The following SLC4A4 variants were observed in gnomAD, a reference collection of about 807,000 sequenced individuals.
SLC4A4 encodes the protein solute carrier family 4 member 4.
Under a neutral mutation model 111.5 loss-of-function variants are expected in SLC4A4, and 27 were observed. The ratio of observed to expected loss-of-function variants is 0.24; its 90% CI spans 0.18 to 0.33. The LOEUF (loss-of-function observed/expected upper bound fraction) is 0.33. Among genes scored for constraint, SLC4A4 ranks in the 10% least tolerant of loss-of-function variants. The pLI is 1.00. For synonymous variants in SLC4A4, 443 were observed against 463.4 expected (o/e 0.96, Z 0.57); for missense variants, 909 against 1,315.5 (o/e 0.69, Z 4.78).
chr4:71,398,505 G>A lies in SLC4A4; in HGVS notation c.807+852G>A, dbSNP rs116875657. ...AACTGGGCCATTTTTGCCCAGCTAC[G>A]TAAATATCTCTGCAAGAAAATTATA... On this transcript the variant is annotated intron_variant, in intron 7 of 25. Coordinates refer to ENST00000264485, the MANE Select transcript of SLC4A4 (RefSeq NM_001098484.3). Among the ~76,000 whole-genome samples the A allele has an allele frequency of 2.0e-4, 30 of 152,146 alleles. 1 individual carries two copies. Among genetic ancestry groups the A allele is most frequent in the Middle Eastern group, 3.4e-3 (1 of 294 alleles).
intron 7 of SLC4A4, among the ~76,000 whole-genome samples, chr4:71,421,837 G>A (rs1722544458): frequency 6.6e-6 from 1 of 152,050 alleles, no homozygotes; most frequent in Admixed American, 6.6e-5. Flanking sequence ...ATTCAAAGCA[G>A]TGTGTAGAGG....
intron 4 of SLC4A4, among the ~76,000 whole-genome samples, chr4:71,341,275 A>G (rs1259764537): frequency 1.3e-5 from 2 of 152,190 alleles, no homozygotes; most frequent in Non-Finnish European, 2.9e-5. Flanking sequence ...TAAGTTTAAT[A>G]TAATACCTTA....
chr4:71,377,924 C>T (rs1034466570), intron 6 of SLC4A4, among the ~76,000 whole-genome samples: 4 of 152,212 alleles, frequency 2.6e-5, no homozygotes, highest in East Asian at 1.9e-4. Flanking sequence ...TGGCTGGGAA[C>T]GCCTCAGAAT....
chr4:71,233,941 G>T (rs1472686227), intron 1 of SLC4A4, among the ~76,000 whole-genome samples: 1 of 152,134 alleles, frequency 6.6e-6, no homozygotes, highest in Non-Finnish European at 1.5e-5. Flanking sequence ...CCCTGGTTTT[G>T]TGGCCCAATC....
At chr4:71,336,939 T>C (rs901504947) in intron 3 of SLC4A4, among the ~76,000 whole-genome samples, 1 of 152,266 alleles carries the variant, frequency 6.6e-6, no homozygotes, top group African/African-American at 2.4e-5. Context: ...TTCATTCTTG[T>C]TGTCCAGTTC....
Position 71,473,077 on chromosome 4 carries a change from C to T in SLC4A4, c.1903+107C>T, listed in dbSNP as rs763920146. ...GCTGTCATGGTCCTCAGGAATTAGTCTTGTTTTTTTCTCTGAAAAACTCTG... is the reference window on the plus strand; with the variant it reads ...GCTGTCATGGTCCTCAGGAATTAGTTTTGTTTTTTTCTCTGAAAAACTCTG... On this transcript the variant is annotated intron_variant, in intron 14 of 25. Transcript: ENST00000264485. The T allele has an allele frequency of 4.0e-5, 51 of 1,280,100 alleles. 2 individuals are homozygous for T. In the South Asian group the frequency reaches 5.6e-4, roughly 14 times the overall value. The allele number at this position is 1,280,100 out of a possible 1,614,324, so 79.3% of individuals were successfully genotyped here. A position where few individuals can be genotyped will look rare whatever the true frequency, so the allele number is the denominator to read the frequency against.
At chr4:71,440,880 G>A in intron 8 of SLC4A4, 107 bp downstream of exon 8, 1 of 1,283,820 alleles carries the variant, frequency 7.8e-7, no homozygotes, top group South Asian at 1.2e-5. Context: ...CAAACACATT[G>A]GAGAGGTTTA....
chr4:71,188,860 C>G (rs1745608648), intron 1 of SLC4A4, among the ~76,000 whole-genome samples: 1 of 151,972 alleles, frequency 6.6e-6, no homozygotes, highest in South Asian at 2.1e-4. Context: ...AGGAAGTGTG[C>G]CTGTTTATTT....
chr4:71,533,705 T>C (rs16846528), intron 17 of SLC4A4, among the ~76,000 whole-genome samples: 2,350 of 152,112 alleles, frequency 0.015, 54 homozygotes, highest in African/African-American at 0.051. Context: ...AAAACAGTTA[T>C]GGCTTTTTAT....
chr4:71,164,548 AAAAC>A (rs138597579), intron 2 of SLC4A4, among the ~76,000 whole-genome samples: 149,578 of 151,466 alleles, frequency 0.99, 73,892 homozygotes, highest in South Asian at 1. Flanking sequence ...ATGAAAAAAC[AAAAC>A]AAACAAACAA....
chr4:71,117,876 CT>C (rs35554188), intron 2 of SLC4A4, among the ~76,000 whole-genome samples: 22,336 of 57,554 alleles, frequency 0.39, 1,548 homozygotes, highest in East Asian at 0.53. Context: ...AATACATTTT[CT>C]TTTTTTTTTT....
intron 7 of SLC4A4, among the ~76,000 whole-genome samples, chr4:71,409,109 C>A (rs572212103): frequency 2.0e-5 from 3 of 152,304 alleles, no homozygotes; most frequent in South Asian, 2.1e-4. Context: ...TCAATTAAAT[C>A]TCATTTTCTT....
In SLC4A4 at chr4:71,396,892, G is replaced by A. The variant is rs1719864906; in HGVS notation, c.731-685G>A. Among the ~76,000 whole-genome samples the A allele has an allele frequency of 2.0e-5, 3 of 152,144 alleles. No individual in the cohort carries two copies. In the South Asian group the frequency reaches 6.2e-4, roughly 32 times the overall value. Reference sequence around the variant, plus strand: ...ATCCATCCTTTCACTTGAAGAAGAGGTTTAACATGTTAAGGGGGAAAAGAG... The same window carrying A: ...ATCCATCCTTTCACTTGAAGAAGAGATTTAACATGTTAAGGGGGAAAAGAG... On this transcript the variant is annotated intron_variant, in intron 6 of 25. Coordinates refer to ENST00000264485, the MANE Select transcript of SLC4A4 (RefSeq NM_001098484.3).
At chr4:71,203,964 C>T (rs1041415117) in intron 1 of SLC4A4, among the ~76,000 whole-genome samples, 3 of 152,088 alleles carry the variant, frequency 2.0e-5, no homozygotes, top group African/African-American at 7.2e-5. Flanking sequence ...GGAAAGATAC[C>T]TAATAAGCGA....
intron 1 of SLC4A4, among the ~76,000 whole-genome samples, chr4:71,196,100 A>C (rs530715113): frequency 3.0e-4 from 46 of 152,346 alleles, no homozygotes; most frequent in African/African-American, 1.1e-3. Flanking sequence ...CTGTGTGACC[A>C]CAGCTGCAGT....
chr4:71,420,473 G>A (rs796814845), intron 7 of SLC4A4, among the ~76,000 whole-genome samples: 1 of 151,842 alleles, frequency 6.6e-6, no homozygotes, highest in Non-Finnish European at 1.5e-5. Flanking sequence ...TCAGATTCAG[G>A]AAATACAGAG....
chr4:71,437,452 A>G, intron 7 of SLC4A4: 1 of 330,440 alleles, frequency 3.0e-6, no homozygotes, highest in Non-Finnish European at 6.0e-6. Context: ...ATTTCACTGG[A>G]CTATATCAAG....
chr4:71,362,302 C>T (rs1332805025), intron 6 of SLC4A4, among the ~76,000 whole-genome samples: 1 of 152,090 alleles, frequency 6.6e-6, no homozygotes, highest in Admixed American at 6.5e-5. Flanking sequence ...TTTACGACCT[C>T]ACTTTGTATT....
chr4:71,442,779 A>G lies in SLC4A4; in HGVS notation c.965+2006A>G, dbSNP rs74729505. Among the ~76,000 whole-genome samples the G allele has an allele frequency of 9.6e-3, 1,469 of 152,260 alleles. 27 individuals carry two copies. Among genetic ancestry groups the G allele is most frequent in the African/African-American group, 0.034 (1,415 of 41,536 alleles). On this transcript the variant is annotated intron_variant, in intron 8 of 25. Transcript: ENST00000264485. The stretch of plus-strand genomic sequence containing the variant: ...ATGATTATTTCTGTTTCTAATAAAC[A>G]GTATTACTACCATGCACCTTCTAGG...
Sources: gnomAD v4.1 joint callset for allele counts (sites outside exome capture counted in the v4.1 genomes callset) on GRCh38, gnomAD v4.1.1 for gene constraint, MANE v1.5 for transcripts, NCBI Gene and HGNC (gene_info 2026-07-23, HGNC 2026-07-21) for gene names.